Variants in P2RX7 observed in about 807,000 individuals in gnomAD.
P2RX7 encodes the protein purinergic receptor P2X 7.
A neutral mutation model predicts 71.6 loss-of-function variants in P2RX7; 62 were observed. That is an observed-to-expected ratio of 0.87 (90% CI 0.71 to 1.07). The LOEUF is 1.07. Among genes scored for constraint, P2RX7 ranks in the 50% least tolerant of loss-of-function variants. The pLI, the probability that P2RX7 is intolerant of heterozygous loss-of-function variation, is 0.00. For synonymous variants in P2RX7, 299 were observed against 283.3 expected, an observed-to-expected ratio of 1.06 and a Z score of -0.56; for missense variants, 686 against 748.5, an observed-to-expected ratio of 0.92 and a Z score of 0.97.
intron 11 of P2RX7, among the ~76,000 whole-genome samples, chr12:121,178,676 C>A (rs1400756595): frequency 6.6e-6 from 1 of 151,294 alleles, no homozygotes; most frequent in African/African-American, 2.4e-5. Context: ...CCTGAAGTCC[C>A]AGCTACTTGG....
At position 121,157,717 on chromosome 12, in the gene P2RX7, G is replaced by A. The variant is rs140668280; in HGVS notation, c.363+1570G>A. Among the ~76,000 whole-genome samples the A allele has an allele frequency of 1.4e-4, 22 of 152,330 alleles. No homozygotes were observed. The East Asian group carries it at 2.9e-3, about 20-fold the overall frequency. On this transcript the variant is annotated intron_variant, in intron 3 of 12. Transcript: ENST00000328963. ...AGAGCCTGGGCTCAGAAGCTAGACC[G>A]CTAAAGGTTCAAAACTTAAACTTCT...
intron 2 of P2RX7, chr12:121,155,245 C>T (rs1311097553): frequency 5.9e-6 from 8 of 1,363,132 alleles, no homozygotes; most frequent in South Asian, 2.4e-5. Flanking sequence ...GCTTTTTAGA[C>T]GCACAGCCAC....
chr12:121,175,604 TG>T, intron 9 of P2RX7, 126 bp downstream of exon 9: 1 of 635,576 alleles, frequency 1.6e-6, no homozygotes, highest in Non-Finnish European at 3.0e-6. Context: ...ATTTCGCACA[TG>T]GGATAAAAGA....
rs939630731 is a variant in P2RX7, at chr12:121,185,026, A to G, written c.*224A>G. ...CTTGAACCCGGGAGGCAGAGGTTGTAGTGAGCCCAGATTGTGCCACTGCTC... is the reference window on the plus strand; with the variant it reads ...CTTGAACCCGGGAGGCAGAGGTTGTGGTGAGCCCAGATTGTGCCACTGCTC... On this transcript the variant is annotated 3_prime_UTR_variant, in exon 13 of 13. Transcript: ENST00000328963. The G allele has an allele frequency of 4.2e-6, 2 of 474,620 alleles. No homozygotes were observed. Among genetic ancestry groups the G allele is most frequent in the Non-Finnish European group, 7.6e-6 (2 of 263,286 alleles). The allele number at this position is 474,620 out of a possible 1,614,324, so 29.4% of individuals were successfully genotyped here.
Position 121,137,658 on chromosome 12 carries a change from T to C in P2RX7, c.125+4563T>C, listed in dbSNP as rs1873977510. On this transcript the variant is annotated intron_variant, in intron 1 of 12. Transcript: ENST00000328963. ...GTACACAGTTTGGGAAATGCTGCCT[T>C]AAGTTGCTCTGTGAAGCCTTAAGTT... is the stretch of plus-strand genomic sequence containing the variant. Among the ~76,000 whole-genome samples the C allele has an allele frequency of 2.0e-5, 3 of 152,346 alleles. No individual in the cohort carries two copies. In the South Asian group the frequency reaches 6.2e-4, roughly 32 times the overall value.
intron 12 of P2RX7, 39 bp from the exon 13 acceptor site, chr12:121,184,266 C>G (rs200846053): frequency 1.3e-6 from 2 of 1,534,770 alleles, no homozygotes; most frequent in African/African-American, 2.8e-5. Flanking sequence ...AACCTGAGGG[C>G]TTGTCATGGC....
intron 11 of P2RX7, 67 bp downstream of exon 11, chr12:121,177,513 C>G (rs1339559553): frequency 1.3e-6 from 2 of 1,490,096 alleles, no homozygotes; most frequent in Admixed American, 3.4e-5. Context: ...CAGAAATGCA[C>G]GAAAATTAGG....
intron 1 of P2RX7, among the ~76,000 whole-genome samples, chr12:121,136,019 A>ATATATATATATAT (rs1456392857): frequency 1.1e-4 from 2 of 17,852 alleles, no homozygotes; most frequent in South Asian, 5.6e-3. Flanking sequence ...AAAAAAAAAA[A>ATATATATATATAT]AAAAATATAT....
At chr12:121,142,883 G>A (rs892946927) in intron 1 of P2RX7, among the ~76,000 whole-genome samples, 9 of 152,030 alleles carry the variant, frequency 5.9e-5, no homozygotes, top group Admixed American at 4.6e-4. Context: ...GAGGTCAGGA[G>A]TTCAAGACCA....
chr12:121,135,617 TTAAG>T (rs1345577889), intron 1 of P2RX7, among the ~76,000 whole-genome samples: 1 of 152,052 alleles, frequency 6.6e-6, no homozygotes, highest in African/African-American at 2.4e-5. Context: ...TAATCCCTGA[TTAAG>T]TGTTAGTTCT....
intron 5 of P2RX7, among the ~76,000 whole-genome samples, chr12:121,163,540 T>C (rs1406645414): frequency 1.3e-5 from 2 of 149,934 alleles, no homozygotes; most frequent in African/African-American, 2.5e-5. Context: ...AAAGAGATGA[T>C]AGATGATAGA....
In P2RX7 at chr12:121,154,870, G is replaced by C. The variant is rs757160496; in HGVS notation, c.211G>C (p.Val71Leu). Reference sequence around the variant, plus strand: ...CACCAAGGTGAAGGGGATAGCAGAGGTGAAAGAGGAGATCGTGGAGAATGG... The same window carrying C: ...CACCAAGGTGAAGGGGATAGCAGAGCTGAAAGAGGAGATCGTGGAGAATGG... ...VHTKVKGIAE[V>L]KEEIVENGVK... is the part of the protein sequence containing the mutation. The change falls in exon 2 of 13, where the codon GTG (valine) becomes CTG (leucine). Residue 71 changes from valine (V) to leucine (L), a missense_variant. Coordinates refer to ENST00000328963, the MANE Select transcript of P2RX7 (RefSeq NM_002562.6). The surrounding 1 kb of genome is among the most constrained non-coding windows in gnomAD (Gnocchi z 4.2). The C allele has an allele frequency of 4.3e-6, 7 of 1,614,212 alleles. No homozygotes were observed. The highest frequency in any genetic ancestry group is 5.9e-6 in the Non-Finnish European group (7 of 1,180,022).
Position 121,133,056 on chromosome 12 carries a change from T to C in P2RX7, c.86T>C (p.Ile29Thr). The change falls in exon 1 of 13, where the codon ATT becomes ACT. Residue 29 changes from isoleucine to threonine, a missense_variant. By Grantham distance (89) the Ile-to-Thr change is moderately conservative (BLOSUM62 -1). Coordinates refer to ENST00000328963, the MANE Select transcript of P2RX7 (RefSeq NM_002562.6). ...ATCCAGAGCATGAATTATGGCACCATTAAGTGGTTCTTCCACGTGATCATC... is the reference window on the plus strand; with the variant it reads ...ATCCAGAGCATGAATTATGGCACCACTAAGTGGTTCTTCCACGTGATCATC... ...TRIQSMNYGT[I>T]KWFFHVIIFS... The C allele has an allele frequency of 1.2e-6, 2 of 1,614,108 alleles. No homozygotes were observed. Among genetic ancestry groups the C allele is most frequent in the Non-Finnish European group, 1.7e-6 (2 of 1,180,008 alleles).
intron 12 of P2RX7, among the ~76,000 whole-genome samples, chr12:121,181,497 G>A (rs1247134210): frequency 6.6e-6 from 1 of 152,130 alleles, no homozygotes; most frequent in Non-Finnish European, 1.5e-5. Flanking sequence ...ACTCTCCCCA[G>A]CAGTTCTGGT....
At position 121,147,098 on chromosome 12, in the gene P2RX7, T is replaced by G. The variant is rs545603270; in HGVS notation, c.126-7687T>G. 1.9e-4 allele frequency among the ~76,000 whole-genome samples: 29 copies of G among 150,792 alleles called. No individual in the cohort carries two copies. In the South Asian group the frequency reaches 2.7e-3, roughly 14 times the overall value. On this transcript the variant is annotated intron_variant, in intron 1 of 12. Transcript: ENST00000328963. ...CAACCACAAAAATTAATTGTGTGGG[T>G]TTTTTTTACACCAGCAATGAACATT...
At chr12:121,153,760 G>A (rs1339062560) in intron 1 of P2RX7, among the ~76,000 whole-genome samples, 1 of 152,152 alleles carries the variant, frequency 6.6e-6, no homozygotes, top group Admixed American at 6.6e-5. Context: ...CTACTGTTGT[G>A]ACGATTAAAG....
At chr12:121,167,342 G>A (rs1284070169) in intron 7 of P2RX7, 146 bp from the exon 8 acceptor site, 10 of 822,184 alleles carry the variant, frequency 1.2e-5, no homozygotes, top group Admixed American at 7.1e-5. Context: ...ACACTTGTGC[G>A]AGTTAGGTGG....
At position 121,146,287 on chromosome 12, in the gene P2RX7, CTTTTTTTTTTTTTTTT is replaced by C. The variant is rs35415599; in HGVS notation, c.126-8484_126-8469del. 2.6e-4 allele frequency among the ~76,000 whole-genome samples: 21 copies of C among 80,484 alleles called. No homozygotes were observed. The East Asian group carries it at 7.8e-3, about 30-fold the overall frequency. 52.8% of individuals were successfully genotyped at this position (80,484 alleles called of 152,430 possible). On this transcript the variant is annotated intron_variant, in intron 1 of 12. Coordinates refer to ENST00000328963, the MANE Select transcript of P2RX7 (RefSeq NM_002562.6). ...CCATCCTCTTATTTGTCAAGCCTCT[CTTTTTTTTTTTTTTTT>C]TTTTTTTTTTTTTGAGGAGTCTTAC...
chr12:121,154,656 C>G lies in P2RX7; in HGVS notation c.126-129C>G. 1 of 718,740 alleles carries G rather than the reference C, an allele frequency of 1.4e-6. No individual in the cohort carries two copies. The highest frequency in any genetic ancestry group is 1.6e-5 in the South Asian group (1 of 64,326). The allele number at this position is 718,740 out of a possible 1,614,324, so 44.5% of individuals were successfully genotyped here. A position where few individuals can be genotyped will look rare whatever the true frequency, so the allele number is the denominator to read the frequency against. ...CTTCCCATTATCCAGAGAGGGAAAA[C>G]AAGTCACACGGAAGCAAGTCACGCA... On this transcript the variant is annotated intron_variant, in intron 1 of 12. Coordinates refer to ENST00000328963, the MANE Select transcript of P2RX7 (RefSeq NM_002562.6). This position sits in a 1 kb window ranked among gnomAD's most constrained non-coding sequence, Gnocchi z 4.2.
Sources: gnomAD v4.1 joint callset for allele counts (sites outside exome capture counted in the v4.1 genomes callset) on GRCh38, gnomAD v4.1.1 for gene constraint, Gnocchi (gnomAD v3.1) non-coding constraint, MANE v1.5 for transcripts, NCBI Gene and HGNC (gene_info 2026-07-23, HGNC 2026-07-21) for gene names.